The following LRRTM4 variants were observed in gnomAD, a reference collection of about 807,000 sequenced individuals.
LRRTM4 encodes leucine-rich repeat transmembrane neuronal protein 4.
Under a neutral mutation model 47.6 loss-of-function variants are expected in LRRTM4, and 25 were observed. The ratio of observed to expected loss-of-function variants is 0.53; its 90% confidence interval spans 0.38 to 0.73. LRRTM4 has a LOEUF of 0.73. LRRTM4 is among the 30% of genes least tolerant of loss of function. The probability of loss-of-function intolerance (pLI) is 0.00; values close to 1 mark genes in which losing one functional copy is unlikely to be tolerated. For synonymous variants in LRRTM4, 311 were observed against 269.5 expected, an observed-to-expected ratio of 1.15 and a Z score of -1.51; for missense variants, 638 against 713.4, an observed-to-expected ratio of 0.89 and a Z score of 1.20.
intron 3 of LRRTM4, among the ~76,000 whole-genome samples, chr2:77,132,551 G>A (rs867194288): frequency 6.6e-6 from 1 of 152,120 alleles, no homozygotes; most frequent in Non-Finnish European, 1.5e-5. Flanking sequence ...AAGCTAGCAG[G>A]TTCAGTGTTT....
At chr2:76,912,482 A>AT (rs1425518828) in intron 3 of LRRTM4, among the ~76,000 whole-genome samples, 1 of 152,204 alleles carries the variant, frequency 6.6e-6, no homozygotes, top group Non-Finnish European at 1.5e-5. Context: ...CTTAGAATAA[A>AT]TTCTTAGAAA....
chr2:77,469,617 G>A (rs1466135271), intron 3 of LRRTM4, among the ~76,000 whole-genome samples: 1 of 152,012 alleles, frequency 6.6e-6, no homozygotes, highest in Non-Finnish European at 1.5e-5. Flanking sequence ...TATATAAAAA[G>A]ATTTTAAGAA....
chr2:76,793,175 T>C (rs1198684953), intron 3 of LRRTM4, among the ~76,000 whole-genome samples: 2 of 152,204 alleles, frequency 1.3e-5, no homozygotes, highest in Non-Finnish European at 2.9e-5. Context: ...AGGTGAATAG[T>C]GTAACCTATT....
chr2:77,476,418 A>G (rs1031111151), intron 3 of LRRTM4, among the ~76,000 whole-genome samples: 1 of 152,130 alleles, frequency 6.6e-6, no homozygotes, highest in African/African-American at 2.4e-5. Context: ...AAATCATCTG[A>G]CTGCAATGCA....
At chr2:77,376,079 T>C (rs375091430) in intron 3 of LRRTM4, among the ~76,000 whole-genome samples, 15 of 152,014 alleles carry the variant, frequency 9.9e-5, no homozygotes, top group South Asian at 8.3e-4. Flanking sequence ...CAGTTGTCTT[T>C]AGCTTTCTCT....
At chr2:76,920,847 A>G (rs1472149856) in intron 3 of LRRTM4, among the ~76,000 whole-genome samples, 2 of 152,184 alleles carry the variant, frequency 1.3e-5, no homozygotes, top group East Asian at 3.9e-4. Context: ...TAATTTACTG[A>G]AACTATTTTT....
intron 3 of LRRTM4, among the ~76,000 whole-genome samples, chr2:77,130,357 G>A (rs764210277): frequency 4.0e-5 from 6 of 151,862 alleles, no homozygotes; most frequent in Non-Finnish European, 7.4e-5. Flanking sequence ...AGTTTTCCAT[G>A]TCATTATTTG....
chr2:77,081,588 T>C (rs1266222035), intron 3 of LRRTM4, among the ~76,000 whole-genome samples: 2 of 152,114 alleles, frequency 1.3e-5, no homozygotes, highest in Non-Finnish European at 2.9e-5. Flanking sequence ...CTTTCACAAA[T>C]TTTATTGTAC....
chr2:76,799,002 A>G (rs1375290360), intron 3 of LRRTM4, among the ~76,000 whole-genome samples: 2 of 150,802 alleles, frequency 1.3e-5, no homozygotes, highest in Non-Finnish European at 3.0e-5. Context: ...ATGGATTCAC[A>G]GCCGAATTCT....
chr2:76,962,358 TTAAG>T (rs1171960168), intron 3 of LRRTM4, among the ~76,000 whole-genome samples: 1 of 151,162 alleles, frequency 6.6e-6, no homozygotes, highest in Non-Finnish European at 1.5e-5. Flanking sequence ...ACTCACAATC[TTAAG>T]TAATTACATT....
At position 77,299,945 on chromosome 2, in the gene LRRTM4, A is replaced by G. The variant is rs569885528; in HGVS notation, c.1551+218373T>C. ...CGGCTCACTGCAACCTCCGCCTCCC[A>G]GGTTCAAACGATTCTCCTGCCTCAG... On this transcript the variant is annotated intron_variant, in intron 3 of 3. Transcript: ENST00000409884. Among the ~76,000 whole-genome samples the G allele has an allele frequency of 3.4e-4, 47 of 139,568 alleles. No individual in the cohort carries two copies. In the East Asian group the frequency reaches 7.9e-3, roughly 23 times the overall value. The allele number at this position is 139,568 out of a possible 152,430, so 91.6% of individuals were successfully genotyped here.
intron 3 of LRRTM4, among the ~76,000 whole-genome samples, chr2:77,263,095 T>A (rs1364795819): frequency 6.6e-6 from 1 of 152,074 alleles, no homozygotes; most frequent in African/African-American, 2.4e-5. Context: ...TTAAGGCCAA[T>A]GATTTAATCA....
intron 3 of LRRTM4, among the ~76,000 whole-genome samples, chr2:77,089,896 T>C (rs979130404): frequency 2.6e-5 from 4 of 152,172 alleles, no homozygotes; most frequent in African/African-American, 7.2e-5. Flanking sequence ...GGCATTCTTT[T>C]ACACATCAGT....
intron 3 of LRRTM4, among the ~76,000 whole-genome samples, chr2:77,434,728 A>C (rs1675522738): frequency 6.6e-6 from 1 of 152,202 alleles, no homozygotes; most frequent in Non-Finnish European, 1.5e-5. Context: ...GTTTTACAGC[A>C]TTCCCATTTT....
intron 3 of LRRTM4, among the ~76,000 whole-genome samples, chr2:76,794,327 G>C (rs1476337702): frequency 1.3e-5 from 2 of 152,170 alleles, no homozygotes; most frequent in Admixed American, 1.3e-4. Context: ...AGGAAGTTAT[G>C]TGTCAGAGAG....
intron 3 of LRRTM4, among the ~76,000 whole-genome samples, chr2:77,248,227 G>T (rs1369407420): frequency 6.6e-6 from 1 of 151,498 alleles, no homozygotes; most frequent in Non-Finnish European, 1.5e-5. Flanking sequence ...TTTTATGTGA[G>T]TATATGTGTG....
intron 3 of LRRTM4, among the ~76,000 whole-genome samples, chr2:77,280,043 G>T (rs966978228): frequency 6.6e-6 from 1 of 152,024 alleles, no homozygotes; most frequent in Admixed American, 6.6e-5. Context: ...AATTAAGTTT[G>T]CAGATGAAAA....
intron 3 of LRRTM4, among the ~76,000 whole-genome samples, chr2:77,461,471 C>T (rs1270622596): frequency 6.6e-6 from 1 of 152,172 alleles, no homozygotes; most frequent in East Asian, 1.9e-4. Flanking sequence ...ACTTCCAATA[C>T]CATATGGACT....
At chr2:77,103,125 A>G (rs1671000596) in intron 3 of LRRTM4, among the ~76,000 whole-genome samples, 1 of 152,168 alleles carries the variant, frequency 6.6e-6, no homozygotes, top group Non-Finnish European at 1.5e-5. Flanking sequence ...AAGGCATTGT[A>G]TCATAGCATC....
Sources: allele counts gnomAD v4.1 joint callset (sites outside exome capture counted in the v4.1 genomes callset), GRCh38; gene constraint gnomAD v4.1.1; transcripts MANE v1.5; gene names NCBI Gene and HGNC (gene_info 2026-07-23, HGNC 2026-07-21).